Variants in ERBB4 observed in about 807,000 individuals in gnomAD.
The protein encoded by ERBB4 is erb-b2 receptor tyrosine kinase 4.
Under a neutral mutation model 158.0 loss-of-function variants are expected in ERBB4, and 42 were observed. That is an observed-to-expected ratio of 0.27 (90% CI 0.21 to 0.34). The LOEUF is 0.34. ERBB4 is among the 10% of genes least tolerant of loss of function. The pLI, the probability that ERBB4 is intolerant of heterozygous loss-of-function variation, is 1.00. For missense variants in ERBB4, 1,333 were observed against 1,624.1 expected (o/e 0.82, Z 3.08); for synonymous variants, 583 against 558.7 (o/e 1.04, Z -0.61).
chr2:212,438,071 C>A (rs2092176201), intron 1 of ERBB4, among the ~76,000 whole-genome samples: 1 of 152,086 alleles, frequency 6.6e-6, no homozygotes, highest in Admixed American at 6.6e-5. Flanking sequence ...ATGAGGCTAG[C>A]CCTATGGTGG....
intron 3 of ERBB4, among the ~76,000 whole-genome samples, chr2:211,941,164 T>C (rs1426309397): frequency 1.3e-5 from 2 of 152,062 alleles, no homozygotes; most frequent in East Asian, 3.9e-4. Flanking sequence ...CTCTTTTCAC[T>C]GATTCTCTCT....
chr2:212,507,640 A>G (rs545627860), intron 1 of ERBB4, among the ~76,000 whole-genome samples: 1 of 152,346 alleles, frequency 6.6e-6, no homozygotes, highest in Admixed American at 6.5e-5. Flanking sequence ...CAGATGAGGT[A>G]GAAAGAGAAC....
At chr2:212,124,525 C>T (rs374126485) in intron 2 of ERBB4, 13 of 546,060 alleles carry the variant, frequency 2.4e-5, no homozygotes, top group South Asian at 1.8e-4. Flanking sequence ...TTTTCTCAAT[C>T]TTAGGGCAAC....
chr2:211,387,976 C>T lies in ERBB4; in HGVS notation c.3152G>A (p.Ser1051Asn), dbSNP rs2125322794. The T allele has an allele frequency of 3.1e-6, 5 of 1,606,994 alleles. No individual in the cohort carries two copies. Among genetic ancestry groups the T allele is most frequent in the Non-Finnish European group, 4.3e-6 (5 of 1,173,856 alleles). Reference protein sequence around the residue: ...IDSNRSEIGHSPPPAYTPMSG... With the variant: ...IDSNRSEIGHNPPPAYTPMSG... Reference sequence around the variant, plus strand: ...CATGGGGGTGTAGGCAGGAGGAGGGCTGTGTCCAATTTCACTCTAATAGGA... The same window carrying T: ...CATGGGGGTGTAGGCAGGAGGAGGGTTGTGTCCAATTTCACTCTAATAGGA... Residue 1051 changes from serine (S) to asparagine (N), a missense_variant, in exon 26 of 28, where the codon AGC becomes AAC. This residue lies in a region of ERBB4 where 252 missense variants were observed against 241.3 expected (regional missense o/e 1.04). Transcript: ENST00000342788.
At chr2:212,413,221 C>T (rs1353063948) in intron 1 of ERBB4, among the ~76,000 whole-genome samples, 3 of 145,786 alleles carry the variant, frequency 2.1e-5, no homozygotes, top group East Asian at 4.0e-4. Context: ...CTCCTGACCT[C>T]GTGATCCGCC....
intron 20 of ERBB4, among the ~76,000 whole-genome samples, chr2:211,530,613 G>A (rs2066469340): frequency 6.6e-6 from 1 of 152,092 alleles, no homozygotes; most frequent in Admixed American, 6.5e-5. Flanking sequence ...ACCAAGGCCA[G>A]GCAGAGTCGT....
chr2:212,436,873 G>C (rs1264237896), intron 1 of ERBB4, among the ~76,000 whole-genome samples: 3 of 151,950 alleles, frequency 2.0e-5, no homozygotes, highest in Non-Finnish European at 4.4e-5. Flanking sequence ...GAAGTGGGTA[G>C]AGCACACCAG....
chr2:212,363,898 G>A (rs2089786340), intron 1 of ERBB4, among the ~76,000 whole-genome samples: 1 of 151,562 alleles, frequency 6.6e-6, no homozygotes, highest in Admixed American at 6.6e-5. Context: ...ATGACTCATA[G>A]ATACCAAACA....
At chr2:211,459,859 T>C (rs545469948) in intron 20 of ERBB4, among the ~76,000 whole-genome samples, 7 of 152,180 alleles carry the variant, frequency 4.6e-5, no homozygotes, top group South Asian at 2.1e-4. Context: ...AAAATGAACA[T>C]TGGTTTGAAT....
chr2:212,173,802 A>G (rs1389313582), intron 1 of ERBB4, among the ~76,000 whole-genome samples: 2 of 152,144 alleles, frequency 1.3e-5, no homozygotes, highest in African/African-American at 4.8e-5. Context: ...TCGTTTGCAC[A>G]TGGACAAGTC....
rs919115370 is a variant in ERBB4 at position 212,264,732 on chromosome 2, G to GA, written c.83-139830dup. On this transcript the variant is annotated intron_variant, in intron 1 of 27. Transcript: ENST00000342788. Reference sequence around the variant, plus strand: ...TATTTTATGTCTAAATCTGAGATCAGAAAAAAAGCACCGTGAATATTATGT... The same window carrying GA: ...TATTTTATGTCTAAATCTGAGATCAGAAAAAAAAGCACCGTGAATATTATGT... 4.9e-4 allele frequency among the ~76,000 whole-genome samples: 74 copies of GA among 152,000 alleles called. 1 individual carries two copies. Among genetic ancestry groups the GA allele is most frequent in the African/African-American group, 1.4e-3 (58 of 41,496 alleles).
chr2:212,393,574 G>C (rs1336266462), intron 1 of ERBB4, among the ~76,000 whole-genome samples: 1 of 152,020 alleles, frequency 6.6e-6, no homozygotes, highest in East Asian at 1.9e-4. Context: ...ATCTTTGTGA[G>C]AATAGGGTAT....
Position 212,380,444 on chromosome 2 carries a change from T to A in ERBB4, c.82+158005A>T, listed in dbSNP as rs550542848. On this transcript the variant is annotated intron_variant, in intron 1 of 27. Transcript: ENST00000342788. ...ATGGATTTACCAATACCTCAGATAC[T>A]GAGGAATGACTCTGTGTGTGTGTGT... Among the ~76,000 whole-genome samples, 12 of 139,358 alleles carry A rather than the reference T, an allele frequency of 8.6e-5. No homozygotes were observed. The South Asian group carries it at 1.6e-3, about 19-fold the overall frequency. The allele number at this position is 139,358 out of a possible 152,430, so 91.4% of individuals were successfully genotyped here. A position where few individuals can be genotyped will look rare whatever the true frequency, so the allele number is the denominator to read the frequency against.
intron 3 of ERBB4, among the ~76,000 whole-genome samples, chr2:211,854,370 T>C (rs544350857): frequency 6.6e-6 from 1 of 152,082 alleles, no homozygotes; most frequent in African/African-American, 2.4e-5. Flanking sequence ...ATCAGAAATA[T>C]GTTCATCAAT....
intron 1 of ERBB4, among the ~76,000 whole-genome samples, chr2:212,507,139 A>AAC (rs1447002531): frequency 1.3e-5 from 2 of 152,168 alleles, no homozygotes; most frequent in Admixed American, 1.3e-4. Flanking sequence ...CCTAGTTGAC[A>AAC]ACACATCTGT....
intron 2 of ERBB4, among the ~76,000 whole-genome samples, chr2:211,965,133 C>T (rs1385336024): frequency 6.6e-6 from 1 of 152,038 alleles, no homozygotes; most frequent in East Asian, 1.9e-4. Flanking sequence ...AATGTGTTGA[C>T]AGCGTCGTAT....
rs543886955 is a variant in ERBB4, at chr2:212,223,566, C to T, written c.83-98663G>A. Among the ~76,000 whole-genome samples the T allele has an allele frequency of 4.2e-4, 64 of 151,250 alleles. 3 individuals carry two copies. The South Asian group carries it at 0.013, about 31-fold the overall frequency. ...AATTATTCACATGTTTTTCAATGATCAAATCCTCAAAATATTGAGGAAATG... is the reference window on the plus strand; with the variant it reads ...AATTATTCACATGTTTTTCAATGATTAAATCCTCAAAATATTGAGGAAATG... On this transcript the variant is annotated intron_variant, in intron 1 of 27. Coordinates refer to ENST00000342788, the MANE Select transcript of ERBB4 (RefSeq NM_005235.3).
intron 1 of ERBB4, among the ~76,000 whole-genome samples, chr2:212,191,715 T>TTACATATAACACGTGTTATACATGC (rs2082227484): frequency 1.3e-5 from 2 of 148,546 alleles, no homozygotes; most frequent in African/African-American, 4.9e-5. Context: ...GTTATACATG[T>TTACATATAACACGTGTTATACATGC]TACATATAAC....
intron 5 of ERBB4, among the ~76,000 whole-genome samples, chr2:211,747,788 C>A (rs1409527623): frequency 1.3e-5 from 2 of 151,588 alleles, no homozygotes; most frequent in African/African-American, 4.8e-5. Flanking sequence ...ATATCTCAAT[C>A]TGAGAATAAA....
Sources: gnomAD v4.1 joint callset for allele counts (sites outside exome capture counted in the v4.1 genomes callset) on GRCh38, gnomAD v4.1.1 for gene constraint, gnomAD v4.1.1 regional missense constraint, MANE v1.5 for transcripts, NCBI Gene and HGNC (gene_info 2026-07-23, HGNC 2026-07-21) for gene names.